The following ZNF69 variants were observed in gnomAD, a reference collection of about 807,000 sequenced individuals.
ZNF69 encodes the protein ZNF3.
In ZNF69, 47 loss-of-function variants were observed where a neutral mutation model predicts 50.9. That is an observed-to-expected ratio of 0.92 (90% CI 0.73 to 1.18). The LOEUF (loss-of-function observed/expected upper bound fraction) is 1.18. ZNF69 is among the 50% of genes most tolerant of loss of function. The pLI is 0.00. For synonymous variants in ZNF69, 216 were observed against 223.1 expected (o/e 0.97, Z 0.29); for missense variants, 717 against 675.1 (o/e 1.06, Z -0.69).
At chr19:11,923,670 A>C in the ZNF69 span, among the ~76,000 whole-genome samples, 1 of 152,212 alleles carries the variant, frequency 6.6e-6, no homozygotes, top group African/African-American at 2.4e-5. Context: ...AATGCCCTTA[A>C]GTTATCTTAG....
At chr19:11,913,382 A>G in intron 4 of ZNF69, 1 of 601,130 alleles carries the variant, frequency 1.7e-6, no homozygotes. Context: ...CTCAACCCTA[A>G]TTTTTCTTAT....
rs575609411 is a variant in ZNF69, at chr19:11,904,065, A to T, written c.251+100A>T. 1.9e-5 allele frequency: 26 copies of T among 1,400,190 alleles called. No homozygotes were observed. In the African/African-American group the frequency reaches 2.4e-4, roughly 13 times the overall value. The allele number at this position is 1,400,190 out of a possible 1,614,324, so 86.7% of individuals were successfully genotyped here. A position where few individuals can be genotyped will look rare whatever the true frequency, so the allele number is the denominator to read the frequency against. On this transcript the variant is annotated intron_variant, in intron 3 of 3. Coordinates refer to ENST00000429654, the MANE Select transcript of ZNF69 (RefSeq NM_001364730.1). Reference sequence around the variant, plus strand: ...AAAAGAACTAAGTCCAGGATCAAATACATTTATTTTTAGAATATTTGATCA... The same window carrying T: ...AAAAGAACTAAGTCCAGGATCAAATTCATTTATTTTTAGAATATTTGATCA...
At chr19:11,898,512 T>C (rs1972176617) in intron 1 of ZNF69, among the ~76,000 whole-genome samples, 1 of 150,340 alleles carries the variant, frequency 6.7e-6, no homozygotes. Context: ...TGCCTCAGCC[T>C]CCGGAGTAGC....
At chr19:11,918,660 G>A (rs1015829358), downstream of ZNF69, among the ~76,000 whole-genome samples, 1 of 151,922 alleles carries the variant, frequency 6.6e-6, no homozygotes, top group Non-Finnish European at 1.5e-5. Context: ...TCACGGTTTT[G>A]CCCAGGCTGG....
chr19:11,967,723 A>C, the ZNF69 span, among the ~76,000 whole-genome samples: 1 of 152,174 alleles, frequency 6.6e-6, no homozygotes, highest in East Asian at 1.9e-4. Context: ...TTTTTAAAAA[A>C]AGAAAAAAGA....
the ZNF69 span, chr19:11,946,990 A>G: frequency 9.1e-7 from 1 of 1,096,518 alleles, no homozygotes; most frequent in Admixed American, 3.6e-5. Context: ...CTCTGTCTCA[A>G]AAAATAAATA....
In ZNF69 at chr19:11,905,168, T is replaced by C. The variant is rs1305537282; in HGVS notation, c.771T>C (p.Phe257=). Residue 257 remains phenylalanine (F), a synonymous_variant, in exon 4 of 4, where the codon TTT becomes TTC. Transcript: ENST00000429654. ...PYECKQCGKS[F]SYSATLRIHE... is the part of the protein sequence containing the mutation. Reference sequence around the variant, plus strand: ...AATGTAAACAATGTGGTAAATCCTTTAGTTATTCTGCTACCCTTCGAATAC... The same window carrying C: ...AATGTAAACAATGTGGTAAATCCTTCAGTTATTCTGCTACCCTTCGAATAC... The C allele has an allele frequency of 1.1e-5, 17 of 1,613,844 alleles. No homozygotes were observed. The highest frequency in any genetic ancestry group is 1.4e-5 in the Non-Finnish European group (17 of 1,179,970).
intron 1 of ZNF69, among the ~76,000 whole-genome samples, chr19:11,892,910 C>T (rs1977130992): frequency 6.6e-6 from 1 of 152,218 alleles, no homozygotes; most frequent in Non-Finnish European, 1.5e-5. Context: ...TCTCAGTTCA[C>T]TGCAGCCTTT....
At chr19:11,978,466 T>C in the ZNF69 span, 3 of 1,614,192 alleles carry the variant, frequency 1.9e-6, no homozygotes, top group East Asian at 2.2e-5. Flanking sequence ...GGAAAAACCT[T>C]TATTTCCCAT....
the ZNF69 span, chr19:11,948,479 A>T: frequency 6.2e-7 from 1 of 1,614,146 alleles, no homozygotes; most frequent in South Asian, 1.1e-5. Flanking sequence ...ACTGGACACA[A>T]GGCATATGAG....
At chr19:11,962,395 T>C in the ZNF69 span, among the ~76,000 whole-genome samples, 111 of 152,358 alleles carry the variant, frequency 7.3e-4, no homozygotes, top group African/African-American at 2.6e-3. Context: ...TTCATCTCCA[T>C]GTCCTGTTTC....
At chr19:11,947,623 A>G in the ZNF69 span, 1 of 1,466,122 alleles carries the variant, frequency 6.8e-7, no homozygotes, top group South Asian at 1.2e-5. Context: ...ACAATCTTAG[A>G]ATATGAGAAT....
downstream of ZNF69, among the ~76,000 whole-genome samples, chr19:11,910,566 G>A (rs1164155952): frequency 6.6e-6 from 1 of 152,112 alleles, no homozygotes; most frequent in Non-Finnish European, 1.5e-5. Context: ...AACAAGAAAT[G>A]GGGAAAGGAT....
the ZNF69 span, among the ~76,000 whole-genome samples, chr19:11,969,096 G>T: frequency 6.6e-6 from 1 of 152,066 alleles, no homozygotes; most frequent in Non-Finnish European, 1.5e-5. Context: ...TGAATTACTT[G>T]GTTGTTTTTG....
chr19:11,947,206 C>T, the ZNF69 span: 5 of 1,613,914 alleles, frequency 3.1e-6, no homozygotes, highest in Non-Finnish European at 4.2e-6. Flanking sequence ...GAGGATGTGG[C>T]TGTGAACTTC....
the ZNF69 span, chr19:11,946,892 C>A: frequency 5.2e-6 from 2 of 381,852 alleles, no homozygotes; most frequent in Non-Finnish European, 8.7e-6. Flanking sequence ...CCCAGCTACT[C>A]GGGAGGCTGA....
chr19:11,908,849 G>GA (rs1030179090), downstream of ZNF69, among the ~76,000 whole-genome samples: 8 of 151,968 alleles, frequency 5.3e-5, no homozygotes, highest in East Asian at 5.8e-4. Flanking sequence ...GACAGAGACA[G>GA]AAAAAACCCT....
At chr19:11,941,193 C>T in the ZNF69 span, among the ~76,000 whole-genome samples, 1 of 152,256 alleles carries the variant, frequency 6.6e-6, no homozygotes, top group Non-Finnish European at 1.5e-5. Context: ...CATAAAGTTT[C>T]TCCACGTCCC....
At chr19:11,913,596 G>A in exon 5 of ZNF69, 7 of 328,616 alleles carry the variant, frequency 2.1e-5, no homozygotes, top group Non-Finnish European at 3.9e-5. Context: ...TCACCATATT[G>A]GCCAGGCTGG....
Sources: gnomAD v4.1 joint callset for allele counts (sites outside exome capture counted in the v4.1 genomes callset) on GRCh38, gnomAD v4.1.1 for gene constraint, MANE v1.5 for transcripts, NCBI Gene and HGNC (gene_info 2026-07-23, HGNC 2026-07-21) for gene names.